Variants in RPS6KL1 observed in about 807,000 individuals in gnomAD.
RPS6KL1 encodes the protein ribosomal protein S6 kinase like 1, also known as ribosomal protein S6 kinase-like 1.
In RPS6KL1, 41 loss-of-function variants were observed where a neutral mutation model predicts 57.0. The observed-to-expected ratio is 0.72, with a 90% CI of 0.56 to 0.93. The LOEUF (loss-of-function observed/expected upper bound fraction) is 0.93. Among genes scored for constraint, RPS6KL1 ranks in the 40% least tolerant of loss-of-function variants. RPS6KL1 has a pLI of 0.00. For synonymous variants in RPS6KL1, 287 were observed against 309.7 expected, an observed-to-expected ratio of 0.93 and a Z score of 0.77; for missense variants, 697 against 727.7, an observed-to-expected ratio of 0.96 and a Z score of 0.49.
At chr14:74,921,865 C>T in intron 2 of RPS6KL1, 113 bp downstream of exon 2, 1 of 520,670 alleles carries the variant, frequency 1.9e-6, no homozygotes, top group Non-Finnish European at 2.8e-6. Context: ...GCAACCTCCA[C>T]TTCCCAGGTT....
At position 74,917,721 on chromosome 14, in the gene RPS6KL1, T is replaced by A. The variant is rs148231724; in HGVS notation, c.483+792A>T. Among the ~76,000 whole-genome samples the A allele has an allele frequency of 1.0e-3, 153 of 152,056 alleles. No homozygotes were observed. The East Asian group carries it at 0.026, about 26-fold the overall frequency. ...ATAAGGCAAAGCATGCGAGATAGCA[T>A]TGGGACAGGGTAAAGTTACAGTTAG... On this transcript the variant is annotated intron_variant, in intron 5 of 11. Coordinates refer to ENST00000557413, the MANE Select transcript of RPS6KL1 (RefSeq NM_031464.5).
At chr14:74,919,433 ATGTG>A (rs1313755137) in intron 4 of RPS6KL1, among the ~76,000 whole-genome samples, 1 of 152,198 alleles carries the variant, frequency 6.6e-6, no homozygotes, top group Non-Finnish European at 1.5e-5. Context: ...GCACACAGAT[ATGTG>A]TGTGTGCACA....
chr14:74,913,905 A>T lies in RPS6KL1; in HGVS notation c.484-2064T>A, dbSNP rs115472319. Among the ~76,000 whole-genome samples, 595 of 152,286 alleles carry T rather than the reference A, an allele frequency of 3.9e-3. 2 individuals carry two copies. Among genetic ancestry groups the T allele is most frequent in the African/African-American group, 0.014 (578 of 41,546 alleles). Reference sequence around the variant, plus strand: ...TAGGTTGTTTAATTTTATCCCCACAATCCTGCCAAAATTCAGGCCTGAGCC... The same window carrying T: ...TAGGTTGTTTAATTTTATCCCCACATTCCTGCCAAAATTCAGGCCTGAGCC... On this transcript the variant is annotated intron_variant, in intron 5 of 11. Coordinates refer to ENST00000557413, the MANE Select transcript of RPS6KL1 (RefSeq NM_031464.5).
Position 74,907,204 on chromosome 14 carries a change from G to T in RPS6KL1, c.1540-80C>A, listed in dbSNP as rs896215124. The T allele has an allele frequency of 1.7e-5, 23 of 1,370,774 alleles. No individual in the cohort carries two copies. The African/African-American group carries it at 2.9e-4, about 17-fold the overall frequency. The allele number at this position is 1,370,774 out of a possible 1,614,324, so 84.9% of individuals were successfully genotyped here. On this transcript the variant is annotated intron_variant, in intron 11 of 11. Transcript: ENST00000557413. Reference sequence around the variant, plus strand: ...ACCTCCAGGGACTCCAACCACTATGGCCTCTAGGGGGCCTGCTCCCTGGCA... The same window carrying T: ...ACCTCCAGGGACTCCAACCACTATGTCCTCTAGGGGGCCTGCTCCCTGGCA...
At position 74,905,030 on chromosome 14, in the gene RPS6KL1, TGAAAG is replaced by T. The variant is rs1397057455; in HGVS notation, c.*1979_*1983del. The T allele has an allele frequency of 6.6e-6, 1 of 152,174 alleles. No homozygotes were observed. The highest frequency in any genetic ancestry group is 2.4e-5 in the African/African-American group (1 of 41,430). 9.4% of individuals were successfully genotyped at this position (152,174 alleles called of 1,614,324 possible). On this transcript the variant is annotated 3_prime_UTR_variant, in exon 12 of 12. Coordinates refer to ENST00000557413, the MANE Select transcript of RPS6KL1 (RefSeq NM_031464.5). Reference sequence around the variant, plus strand: ...AGATAGAAAAACAAATTAGGTTGAATGAAAGGAAGAACAGGATTTGGTGTTAGAAG... The same window carrying T: ...AGATAGAAAAACAAATTAGGTTGAATGAAGAACAGGATTTGGTGTTAGAAG...
rs772568347 is a variant in RPS6KL1, at chr14:74,909,617, G to A, written c.1196C>T (p.Ala399Val). 21 of 1,612,094 alleles carry A rather than the reference G, an allele frequency of 1.3e-5. 1 individual carries two copies. The highest frequency in any genetic ancestry group is 8.8e-5 in the South Asian group (8 of 91,082). ...VKQWAAEMLV[A>V]LEALHEQGVL... ...CCCCTGCTCGTGCAGCGCCTCCAGC[G>A]CTACCAGCATCTCTGCCGCCCACTG... The change falls in exon 8 of 12, where the codon GCG (alanine) becomes GTG (valine). Residue 399 changes from alanine to valine, a missense_variant. Coordinates refer to ENST00000557413, the MANE Select transcript of RPS6KL1 (RefSeq NM_031464.5).
In RPS6KL1 at chr14:74,906,409, T is replaced by TGGGGGGGGGGGGG. The variant is rs537079155; in HGVS notation, c.*604_*605insCCCCCCCCCCCCC. 6.4e-6 allele frequency: 1 copy of TGGGGGGGGGGGGG among 157,414 alleles called. No individual in the cohort carries two copies. Among genetic ancestry groups the TGGGGGGGGGGGGG allele is most frequent in the African/African-American group, 6.6e-5 (1 of 15,246 alleles). 9.8% of individuals were successfully genotyped at this position (157,414 alleles called of 1,614,324 possible). ...AGGGGGCATGGTCAGGAATCGGGGGTGGGGGGGTGGGGGTGGGGGTCATCC... is the reference window on the plus strand; with the variant it reads ...AGGGGGCATGGTCAGGAATCGGGGGTGGGGGGGGGGGGGGGGGGGGTGGGGGTGGGGGTCATCC... On this transcript the variant is annotated 3_prime_UTR_variant, in exon 12 of 12. Coordinates refer to ENST00000557413, the MANE Select transcript of RPS6KL1 (RefSeq NM_031464.5).
In RPS6KL1 at chr14:74,906,666, C is replaced by G; in HGVS notation, c.*348G>C. The stretch of plus-strand genomic sequence containing the variant: ...GCAGTGAGTGAGTCACAGAACCTCA[C>G]AGTAGGGTGCAGCAGGTGGTCAACA... On this transcript the variant is annotated 3_prime_UTR_variant, in exon 12 of 12. Coordinates refer to ENST00000557413, the MANE Select transcript of RPS6KL1 (RefSeq NM_031464.5). 1 of 530,770 alleles carries G rather than the reference C, an allele frequency of 1.9e-6. No individual in the cohort carries two copies. Among genetic ancestry groups the G allele is most frequent in the South Asian group, 1.5e-5 (1 of 67,380 alleles). 32.9% of individuals were successfully genotyped at this position (530,770 alleles called of 1,614,324 possible). A position where few individuals can be genotyped will look rare whatever the true frequency, so the allele number is the denominator to read the frequency against.
intron 8 of RPS6KL1, 85 bp downstream of exon 8, chr14:74,909,458 G>C: frequency 6.7e-7 from 1 of 1,491,854 alleles, no homozygotes; most frequent in Non-Finnish European, 9.0e-7. Flanking sequence ...GACAACCTTG[G>C]AGGTCCCCTC....
intron 11 of RPS6KL1, 152 bp downstream of exon 11, chr14:74,907,283 A>C: frequency 7.1e-7 from 1 of 1,409,620 alleles, no homozygotes; most frequent in Non-Finnish European, 9.4e-7. Flanking sequence ...GTGGTTGGCC[A>C]CCAACATATA....
At chr14:74,917,942 G>A (rs1887125006) in intron 5 of RPS6KL1, among the ~76,000 whole-genome samples, 1 of 152,154 alleles carries the variant, frequency 6.6e-6, no homozygotes, top group South Asian at 2.1e-4. Context: ...GAAGCGGGAA[G>A]TGGGAGTGAG....
rs546507806 is a variant in RPS6KL1 at position 74,909,185 on chromosome 14, T to C, written c.1276A>G (p.Ile426Val). 1.9e-5 allele frequency: 31 copies of C among 1,614,084 alleles called. No individual in the cohort carries two copies. The South Asian group carries it at 3.4e-4, about 18-fold the overall frequency. The part of the protein sequence containing the change: ...GNLLLDQAGH[I>V]RLTYFGQWSE... Reference sequence around the variant, plus strand: ...CACTGGCCAAAATATGTGAGCCGGATGTGACCTCCAGTGTGTGGGAGGAAA... The same window carrying C: ...CACTGGCCAAAATATGTGAGCCGGACGTGACCTCCAGTGTGTGGGAGGAAA... Residue 426 changes from isoleucine to valine, a missense_variant, in exon 9 of 12, where the codon ATC (isoleucine) becomes GTC (valine). Coordinates refer to ENST00000557413, the MANE Select transcript of RPS6KL1 (RefSeq NM_031464.5).
intron 4 of RPS6KL1, 35 bp downstream of exon 4, chr14:74,919,810 C>T (rs767218033): frequency 1.5e-5 from 24 of 1,600,362 alleles, no homozygotes; most frequent in Non-Finnish European, 2.0e-5. Context: ...AGCCCTCCTC[C>T]CGCTCAGGCC....
chr14:74,915,674 C>T (rs1886716125), intron 5 of RPS6KL1, among the ~76,000 whole-genome samples: 1 of 152,328 alleles, frequency 6.6e-6, no homozygotes. Context: ...GGCATCTCCT[C>T]CTCCACTCCC....
chr14:74,908,048 A>G (rs1189804183), intron 10 of RPS6KL1, among the ~76,000 whole-genome samples: 2 of 152,172 alleles, frequency 1.3e-5, no homozygotes, highest in Non-Finnish European at 2.9e-5. Context: ...GAGGAAGGCC[A>G]AGAGCTCTGG....
chr14:74,920,017 G>A (rs764279521), intron 3 of RPS6KL1, 48 bp from the exon 4 acceptor site: 15 of 1,612,466 alleles, frequency 9.3e-6, no homozygotes, highest in Middle Eastern at 1.7e-4. Flanking sequence ...GCCTCGGAGG[G>A]CTGGAGTTCC....
chr14:74,920,012 G>A (rs374751132), intron 3 of RPS6KL1, 43 bp from the exon 4 acceptor site: 3 of 1,612,478 alleles, frequency 1.9e-6, no homozygotes, highest in African/African-American at 1.3e-5. Flanking sequence ...CCATGGCCTC[G>A]GAGGGCTGGA....
chr14:74,910,385 C>T (rs1016264941), intron 7 of RPS6KL1: 16 of 415,934 alleles, frequency 3.8e-5, no homozygotes, highest in Admixed American at 4.1e-5. Flanking sequence ...GGCACACCAC[C>T]GAGAGATGTC....
Position 74,905,224 on chromosome 14 carries a change from A to G in RPS6KL1, c.*1790T>C, listed in dbSNP as rs1471601345. 6.6e-6 allele frequency: 1 copy of G among 152,192 alleles called. No individual in the cohort carries two copies. Among genetic ancestry groups the G allele is most frequent in the Non-Finnish European group, 1.5e-5 (1 of 68,036 alleles). 9.4% of individuals were successfully genotyped at this position (152,192 alleles called of 1,614,324 possible). On this transcript the variant is annotated 3_prime_UTR_variant, in exon 12 of 12. Coordinates refer to ENST00000557413, the MANE Select transcript of RPS6KL1 (RefSeq NM_031464.5). The stretch of plus-strand genomic sequence containing the variant: ...GTGGATGAAGCACAGAAGTTCCAGA[A>G]GGGACTTGTGCTTCATGAAGCGGTG...
Sources: allele counts gnomAD v4.1 joint callset (sites outside exome capture counted in the v4.1 genomes callset), GRCh38; gene constraint gnomAD v4.1.1; transcripts MANE v1.5; gene names NCBI Gene and HGNC (gene_info 2026-07-23, HGNC 2026-07-21).